Variants in SDK1 observed in about 807,000 individuals in gnomAD.
The protein encoded by SDK1 is sidekick cell adhesion molecule 1, also known as protein sidekick-1.
In SDK1, 157 loss-of-function variants were observed where a neutral mutation model predicts 245.5. That is an observed-to-expected ratio of 0.64 (90% CI 0.56 to 0.73). The LOEUF is 0.73. Ranked by LOEUF, SDK1 falls within the 30% of genes least tolerant of loss-of-function variation. The pLI, the probability that SDK1 is intolerant of heterozygous loss-of-function variation, is 0.00. For synonymous variants in SDK1, 1,647 were observed against 1,278.5 expected (o/e 1.29, Z -6.15); for missense variants, 3,583 against 3,002.3 (o/e 1.19, Z -4.52).
chr7:4,229,423 G>A (rs748356581), intron 40 of SDK1, among the ~76,000 whole-genome samples: 9 of 152,194 alleles, frequency 5.9e-5, no homozygotes, highest in African/African-American at 2.2e-4. Flanking sequence ...CAACATTTTT[G>A]AGTGTAAATG....
intron 19 of SDK1, among the ~76,000 whole-genome samples, chr7:4,067,632 G>A (rs932259395): frequency 1.3e-5 from 2 of 152,174 alleles, no homozygotes; most frequent in African/African-American, 4.8e-5. Context: ...GTGTGGCTGG[G>A]ATGAAGCTGG....
rs1228939556 is a variant in SDK1, at chr7:3,397,283, G to A, written c.298+95399G>A. ...GTATTTTATATTTACCTATTTAATT[G>A]CCTTTATTGGTACTTTCAAATTTTT... On this transcript the variant is annotated intron_variant, in intron 1 of 44. Coordinates refer to ENST00000404826, the MANE Select transcript of SDK1 (RefSeq NM_152744.4). Among the ~76,000 whole-genome samples the A allele has an allele frequency of 4.0e-5, 6 of 151,850 alleles. No individual in the cohort carries two copies. In the East Asian group the frequency reaches 1.2e-3, roughly 29 times the overall value.
intron 5 of SDK1, among the ~76,000 whole-genome samples, chr7:3,883,281 C>G (rs1457126702): frequency 6.6e-6 from 1 of 152,214 alleles, no homozygotes; most frequent in Non-Finnish European, 1.5e-5. Flanking sequence ...TTCTTAAAAG[C>G]TTAAGGCCTT....
At chr7:4,194,645 A>T (rs906344279) in intron 35 of SDK1, among the ~76,000 whole-genome samples, 1 of 152,148 alleles carries the variant, frequency 6.6e-6, no homozygotes, top group Non-Finnish European at 1.5e-5. Flanking sequence ...GTATGGGAGA[A>T]GGATGTAGGC....
intron 19 of SDK1, among the ~76,000 whole-genome samples, chr7:4,057,648 T>C (rs1381415172): frequency 6.6e-6 from 1 of 151,984 alleles, no homozygotes; most frequent in South Asian, 2.1e-4. Context: ...CACTCTGGGA[T>C]GTAAGGACAG....
At chr7:3,569,224 A>G (rs951203666) in intron 1 of SDK1, among the ~76,000 whole-genome samples, 1 of 152,202 alleles carries the variant, frequency 6.6e-6, no homozygotes, top group African/African-American at 2.4e-5. Flanking sequence ...AGCGAGAAAA[A>G]CAAGGAAAAA....
intron 4 of SDK1, among the ~76,000 whole-genome samples, chr7:3,796,730 A>C (rs925778597): frequency 6.6e-6 from 1 of 152,234 alleles, no homozygotes; most frequent in African/African-American, 2.4e-5. Flanking sequence ...ATTAAGGCTG[A>C]GTATTTTTCA....
chr7:3,373,346 A>T (rs1198948853), intron 1 of SDK1, among the ~76,000 whole-genome samples: 1 of 152,196 alleles, frequency 6.6e-6, no homozygotes, highest in Non-Finnish European at 1.5e-5. Flanking sequence ...CCCATTGCAA[A>T]GTTGAAAAAT....
At chr7:3,753,664 C>G (rs1024888334) in intron 4 of SDK1, among the ~76,000 whole-genome samples, 1 of 152,186 alleles carries the variant, frequency 6.6e-6, no homozygotes, top group Non-Finnish European at 1.5e-5. Context: ...CTGTTTATCA[C>G]AGGCAAATTT....
At chr7:4,232,397 C>CTT (rs1785838734) in intron 40 of SDK1, among the ~76,000 whole-genome samples, 2 of 73,914 alleles carry the variant, frequency 2.7e-5, no homozygotes, top group Non-Finnish European at 5.7e-5. Flanking sequence ...TTTTTCTTTT[C>CTT]TTTTCTTTTC....
intron 4 of SDK1, among the ~76,000 whole-genome samples, chr7:3,705,284 G>T (rs182083296): frequency 2.2e-4 from 34 of 151,788 alleles, no homozygotes; most frequent in African/African-American, 7.5e-4. Context: ...TGGATAGTAT[G>T]GTCATTTTCA....
At chr7:3,488,733 TG>T (rs1350174891) in intron 1 of SDK1, among the ~76,000 whole-genome samples, 3 of 152,156 alleles carry the variant, frequency 2.0e-5, no homozygotes, top group Non-Finnish European at 4.4e-5. Context: ...GGTTGTTAAC[TG>T]GGGGCCTCAG....
chr7:4,186,538 G>A (rs531505763), intron 35 of SDK1, among the ~76,000 whole-genome samples: 52 of 152,300 alleles, frequency 3.4e-4, no homozygotes, highest in African/African-American at 9.1e-4. Flanking sequence ...CCCCGGAGCC[G>A]GCTCGCCTTC....
At chr7:3,403,468 C>T (rs1197910759) in intron 1 of SDK1, among the ~76,000 whole-genome samples, 2 of 151,904 alleles carry the variant, frequency 1.3e-5, no homozygotes, top group Non-Finnish European at 2.9e-5. Flanking sequence ...GTGATGCTGA[C>T]TCATAAATAC....
At chr7:4,126,064 C>T (rs1047634762) in intron 25 of SDK1, among the ~76,000 whole-genome samples, 2 of 152,294 alleles carry the variant, frequency 1.3e-5, no homozygotes, top group South Asian at 2.1e-4. Flanking sequence ...AGTGAACCCC[C>T]GAATGGGATA....
At chr7:3,462,229 G>A (rs1036058756) in intron 1 of SDK1, among the ~76,000 whole-genome samples, 4 of 152,058 alleles carry the variant, frequency 2.6e-5, no homozygotes, top group Admixed American at 6.6e-5. Context: ...ATTCTTCACC[G>A]CTTGCCGCTC....
At chr7:4,107,800 C>T (rs573365598) in intron 22 of SDK1, among the ~76,000 whole-genome samples, 28 of 152,334 alleles carry the variant, frequency 1.8e-4, no homozygotes, top group Admixed American at 1.3e-3. Flanking sequence ...CTGAGCAGCT[C>T]GTCTTGCTTG....
At chr7:3,749,468 T>C (rs1443367869) in intron 4 of SDK1, among the ~76,000 whole-genome samples, 1 of 152,170 alleles carries the variant, frequency 6.6e-6, no homozygotes, top group Non-Finnish European at 1.5e-5. Context: ...CCTGGCTAAT[T>C]TTTTGTATCT....
At chr7:3,676,599 A>G (rs1021700844) in intron 4 of SDK1, among the ~76,000 whole-genome samples, 9 of 152,214 alleles carry the variant, frequency 5.9e-5, no homozygotes, top group Admixed American at 5.2e-4. Context: ...TGCTGGGATT[A>G]CAGGCGTGAG....
Sources: gnomAD v4.1 joint callset for allele counts (sites outside exome capture counted in the v4.1 genomes callset) on GRCh38, gnomAD v4.1.1 for gene constraint, MANE v1.5 for transcripts, NCBI Gene and HGNC (gene_info 2026-07-23, HGNC 2026-07-21) for gene names.